RNFT2: variants seen among roughly 807,000 people sequenced by gnomAD.
The protein encoded by RNFT2 is ring finger protein, transmembrane 2.
RNFT2 carries 36 observed loss-of-function variants against 53.0 expected under a neutral mutation model. The observed-to-expected ratio is 0.68, with a 90% CI of 0.52 to 0.90. The LOEUF (loss-of-function observed/expected upper bound fraction) is 0.90. Ranked by LOEUF, RNFT2 falls within the 40% of genes least tolerant of loss-of-function variation. The pLI is 0.00. For missense variants in RNFT2, 514 were observed against 585.6 expected (o/e 0.88, Z 1.26); for synonymous variants, 260 against 253.2 (o/e 1.03, Z -0.26).
At chr12:116,788,020 C>T (rs957579112) in intron 7 of RNFT2, among the ~76,000 whole-genome samples, 2 of 152,158 alleles carry the variant, frequency 1.3e-5, no homozygotes, top group South Asian at 2.1e-4. Flanking sequence ...CTCTGCCTCC[C>T]GGGTTCAAGC....
intron 7 of RNFT2, among the ~76,000 whole-genome samples, chr12:116,813,985 C>T (rs932652198): frequency 2.0e-5 from 3 of 152,192 alleles, no homozygotes; most frequent in Non-Finnish European, 4.4e-5. Context: ...TTGATCACTA[C>T]AGCTTAGTAA....
chr12:116,816,975 G>A (rs1875715301), intron 7 of RNFT2, among the ~76,000 whole-genome samples: 2 of 152,076 alleles, frequency 1.3e-5, no homozygotes, highest in South Asian at 2.1e-4. Flanking sequence ...CCATTTGTGT[G>A]TTTTCCTTGT....
intron 7 of RNFT2, among the ~76,000 whole-genome samples, chr12:116,831,920 G>C (rs550542679): frequency 3.3e-5 from 5 of 151,908 alleles, no homozygotes; most frequent in Admixed American, 1.3e-4. Flanking sequence ...CTTGAGCCCA[G>C]GAGTTTGAGA....
intron 6 of RNFT2, among the ~76,000 whole-genome samples, chr12:116,775,729 TATG>T (rs1873404358): frequency 1.3e-5 from 2 of 152,180 alleles, no homozygotes; most frequent in African/African-American, 2.4e-5. Flanking sequence ...TCACAATTAA[TATG>T]ATTCTTTTAC....
chr12:116,808,032 G>A (rs1214574820), intron 7 of RNFT2, among the ~76,000 whole-genome samples: 2 of 152,052 alleles, frequency 1.3e-5, no homozygotes, highest in East Asian at 1.9e-4. Context: ...GCAATGGCAC[G>A]ATCTCACTAC....
intron 7 of RNFT2, among the ~76,000 whole-genome samples, chr12:116,831,490 C>T (rs1481992138): frequency 6.6e-6 from 1 of 151,718 alleles, no homozygotes; most frequent in East Asian, 1.9e-4. Context: ...CATTATAGAT[C>T]TCTAACATAA....
chr12:116,831,343 G>A (rs2137198077), intron 7 of RNFT2, among the ~76,000 whole-genome samples: 1 of 152,312 alleles, frequency 6.6e-6, no homozygotes, highest in East Asian at 1.9e-4. Flanking sequence ...CATCATGTCA[G>A]AGGGTTCAGG....
chr12:116,760,810 C>T (rs544897627), intron 5 of RNFT2, among the ~76,000 whole-genome samples: 1 of 152,274 alleles, frequency 6.6e-6, no homozygotes. Flanking sequence ...AGCTGCCGCC[C>T]GCTGCTCTCT....
intron 7 of RNFT2, among the ~76,000 whole-genome samples, chr12:116,797,012 G>A (rs988445144): frequency 6.6e-6 from 1 of 152,194 alleles, no homozygotes; most frequent in African/African-American, 2.4e-5. Context: ...GAGACCAGGG[G>A]TGCTGCTGAA....
At chr12:116,794,854 A>G (rs1874431646) in intron 7 of RNFT2, among the ~76,000 whole-genome samples, 2 of 151,988 alleles carry the variant, frequency 1.3e-5, no homozygotes, top group South Asian at 4.2e-4. Context: ...AATTTCACTG[A>G]TGTTATTCAG....
At chr12:116,806,365 CTCAAA>C (rs1875049964) in intron 7 of RNFT2, among the ~76,000 whole-genome samples, 1 of 12,382 alleles carries the variant, frequency 8.1e-5, no homozygotes, top group African/African-American at 2.2e-4. Flanking sequence ...GTGAGACTGT[CTCAAA>C]AAAAAAAAAA....
rs145271225 is a variant in RNFT2, at chr12:116,792,308, C to T, written c.882+12960C>T. Among the ~76,000 whole-genome samples, 1,230 of 152,288 alleles carry T rather than the reference C, an allele frequency of 8.1e-3. 20 individuals carry two copies. The highest frequency in any genetic ancestry group is 0.028 in the African/African-American group (1,171 of 41,562). On this transcript the variant is annotated intron_variant, in intron 7 of 10. Coordinates refer to ENST00000257575, the MANE Select transcript of RNFT2 (RefSeq NM_001382266.1). ...CAGGTGATCTGCCCACCTCGGCCTC[C>T]CAAAGTGCTGGGATTACAGGTATGA... is the stretch of plus-strand genomic sequence containing the variant.
chr12:116,764,993 G>A (rs1872848224), intron 5 of RNFT2, among the ~76,000 whole-genome samples: 1 of 152,224 alleles, frequency 6.6e-6, no homozygotes, highest in African/African-American at 2.4e-5. Flanking sequence ...TTTAGGAGCT[G>A]AGAGGATCTC....
chr12:116,841,016 A>G (rs918396348), intron 10 of RNFT2, among the ~76,000 whole-genome samples: 8 of 152,136 alleles, frequency 5.3e-5, no homozygotes, highest in African/African-American at 1.9e-4. Flanking sequence ...CCTTTCCCAG[A>G]TTCCCTATAA....
intron 6 of RNFT2, among the ~76,000 whole-genome samples, chr12:116,777,048 G>A (rs945380014): frequency 6.6e-5 from 10 of 151,064 alleles, no homozygotes; most frequent in South Asian, 2.1e-4. Flanking sequence ...CTTCCGAGTC[G>A]CTAAGACTAC....
chr12:116,843,160 A>C (rs75034338), intron 10 of RNFT2, among the ~76,000 whole-genome samples: 1,594 of 152,126 alleles, frequency 0.01, 18 homozygotes, highest in East Asian at 0.054. Context: ...GTTTAACCCC[A>C]ATTCTGTGCT....
At chr12:116,812,984 C>G (rs1427307829) in intron 7 of RNFT2, among the ~76,000 whole-genome samples, 1 of 151,954 alleles carries the variant, frequency 6.6e-6, no homozygotes, top group Non-Finnish European at 1.5e-5. Context: ...GAAACAGGGT[C>G]TCACTCTGTC....
chr12:116,758,782 G>A (rs1403250615), intron 5 of RNFT2, among the ~76,000 whole-genome samples: 1 of 152,172 alleles, frequency 6.6e-6, no homozygotes, highest in African/African-American at 2.4e-5. Flanking sequence ...CTGTCTCACA[G>A]CTCTTAAGAT....
At chr12:116,749,055 A>G (rs1272082274) in intron 3 of RNFT2, among the ~76,000 whole-genome samples, 1 of 152,128 alleles carries the variant, frequency 6.6e-6, no homozygotes, top group Non-Finnish European at 1.5e-5. Flanking sequence ...TATTAATATT[A>G]TTTGTATTAG....
Sources: allele counts gnomAD v4.1 joint callset (sites outside exome capture counted in the v4.1 genomes callset), GRCh38; gene constraint gnomAD v4.1.1; transcripts MANE v1.5; gene names NCBI Gene and HGNC (gene_info 2026-07-23, HGNC 2026-07-21).